Variants in TMPRSS15 observed in about 807,000 individuals in gnomAD.
TMPRSS15 encodes the protein transmembrane serine protease 15, also known as enteropeptidase.
Under a neutral mutation model 125.3 loss-of-function variants are expected in TMPRSS15, and 128 were observed. The observed-to-expected ratio is 1.02, with a 90% CI of 0.89 to 1.18. The LOEUF (loss-of-function observed/expected upper bound fraction) is 1.18, where lower values mean the gene tolerates loss of function less well. TMPRSS15 is among the 50% of genes most tolerant of loss of function. The pLI is 0.00. For synonymous variants in TMPRSS15, 446 were observed against 423.2 expected, an observed-to-expected ratio of 1.05 and a Z score of -0.66; for missense variants, 1,283 against 1,212.7, an observed-to-expected ratio of 1.06 and a Z score of -0.86.
intron 1 of TMPRSS15, among the ~76,000 whole-genome samples, chr21:18,485,214 A>G (rs1979056482): frequency 6.6e-6 from 1 of 151,932 alleles, no homozygotes; most frequent in African/African-American, 2.4e-5. Context: ...CTTGTATCCA[A>G]TAAATTGTTA....
At chr21:18,378,566 C>T (rs2027613) in intron 5 of TMPRSS15, among the ~76,000 whole-genome samples, 150,305 of 152,190 alleles carry the variant, frequency 0.99, 74,240 homozygotes, top group Middle Eastern at 1. Context: ...CCTCTATGTA[C>T]ATAATATTTG....
At chr21:18,293,007 G>A (rs879815238) in intron 21 of TMPRSS15, among the ~76,000 whole-genome samples, 1 of 152,144 alleles carries the variant, frequency 6.6e-6, no homozygotes, top group Non-Finnish European at 1.5e-5. Flanking sequence ...TAGATGGGAT[G>A]GTGCTGTCGG....
intron 18 of TMPRSS15, among the ~76,000 whole-genome samples, chr21:18,303,182 T>C (rs2074991600): frequency 6.6e-6 from 1 of 152,188 alleles, no homozygotes; most frequent in Non-Finnish European, 1.5e-5. Context: ...CGACCTTTCA[T>C]GTTTTGTAGA....
chr21:18,380,308 A>C (rs928385000), intron 4 of TMPRSS15, among the ~76,000 whole-genome samples: 4 of 152,072 alleles, frequency 2.6e-5, no homozygotes, highest in African/African-American at 9.7e-5. Context: ...AAAGTTTAAA[A>C]TATGAAAGGA....
At chr21:18,356,843 T>A (rs1050085975) in intron 8 of TMPRSS15, among the ~76,000 whole-genome samples, 2 of 151,890 alleles carry the variant, frequency 1.3e-5, no homozygotes, top group African/African-American at 2.4e-5. Flanking sequence ...ATATACACTA[T>A]GTTTATTGCA....
chr21:18,331,445 G>A (rs576939881), intron 14 of TMPRSS15, among the ~76,000 whole-genome samples: 2 of 152,288 alleles, frequency 1.3e-5, no homozygotes, highest in African/African-American at 4.8e-5. Context: ...CAATCTTTAT[G>A]TATCTTTATA....
At chr21:18,450,173 T>C (rs2076264621) in intron 1 of TMPRSS15, among the ~76,000 whole-genome samples, 1 of 152,196 alleles carries the variant, frequency 6.6e-6, no homozygotes, top group South Asian at 2.1e-4. Context: ...AAATTAGTTT[T>C]CAGGTTAGTA....
chr21:18,297,356 G>T (rs990261), intron 19 of TMPRSS15, among the ~76,000 whole-genome samples: 115,465 of 151,976 alleles, frequency 0.76, 43,960 homozygotes, highest in Non-Finnish European at 0.79. Flanking sequence ...AGCTAATTTG[G>T]TCTGCCTCCA....
chr21:18,387,606 CACACAT>C (rs1008695308), intron 3 of TMPRSS15, among the ~76,000 whole-genome samples: 3 of 102,352 alleles, frequency 2.9e-5, no homozygotes, highest in African/African-American at 6.9e-5. Context: ...TACACACACA[CACACAT>C]ACACACACAC....
At chr21:18,479,153 A>G (rs1348168554) in intron 1 of TMPRSS15, among the ~76,000 whole-genome samples, 1 of 151,968 alleles carries the variant, frequency 6.6e-6, no homozygotes, top group African/African-American at 2.4e-5. Context: ...CAATCTGTAT[A>G]TATCAGGTTT....
At chr21:18,442,215 C>T (rs1288924652) in intron 1 of TMPRSS15, among the ~76,000 whole-genome samples, 1 of 152,042 alleles carries the variant, frequency 6.6e-6, no homozygotes, top group Non-Finnish European at 1.5e-5. Flanking sequence ...TTAAAAATAT[C>T]CTGTATTTCA....
intron 24 of TMPRSS15, among the ~76,000 whole-genome samples, chr21:18,271,252 C>T (rs1267631672): frequency 6.6e-6 from 1 of 152,136 alleles, no homozygotes; most frequent in Non-Finnish European, 1.5e-5. Flanking sequence ...ATTTATGGAA[C>T]AGTTTATATT....
At chr21:18,452,815 A>T (rs1362073904) in intron 1 of TMPRSS15, among the ~76,000 whole-genome samples, 1 of 152,208 alleles carries the variant, frequency 6.6e-6, no homozygotes, top group African/African-American at 2.4e-5. Flanking sequence ...AAAACTGCAC[A>T]TATTTAATGT....
chr21:18,418,357 G>A (rs183278136), intron 1 of TMPRSS15, among the ~76,000 whole-genome samples: 11 of 152,304 alleles, frequency 7.2e-5, no homozygotes, highest in African/African-American at 2.6e-4. Flanking sequence ...CGATGGCTAA[G>A]TGGAAAGAGA....
At chr21:18,364,368 A>C (rs998556441) in intron 7 of TMPRSS15, among the ~76,000 whole-genome samples, 1 of 152,190 alleles carries the variant, frequency 6.6e-6, no homozygotes, top group East Asian at 1.9e-4. Context: ...TATTTTAACA[A>C]GAAAGTTTTC....
At position 18,278,631 on chromosome 21, in the gene TMPRSS15, A is replaced by G. The variant is rs1048811533; in HGVS notation, c.2764+333T>C. Among the ~76,000 whole-genome samples, 5 of 152,076 alleles carry G rather than the reference A, an allele frequency of 3.3e-5. No individual in the cohort carries two copies. The South Asian group carries it at 1.0e-3, about 32-fold the overall frequency. On this transcript the variant is annotated intron_variant, in intron 23 of 24. Coordinates refer to ENST00000284885, the MANE Select transcript of TMPRSS15 (RefSeq NM_002772.3). Reference sequence around the variant, plus strand: ...AGCTACTTTGGGAGGCTGAGACAGGAGAATGGCGTGAACCCGGGAGGTGGA... The same window carrying G: ...AGCTACTTTGGGAGGCTGAGACAGGGGAATGGCGTGAACCCGGGAGGTGGA...
At position 18,278,948 on chromosome 21, in the gene TMPRSS15, GAGTC is replaced by G; in HGVS notation, c.2764+12_2764+15del. 6.0e-5 allele frequency: 7 copies of G among 115,960 alleles called. No individual in the cohort carries two copies. Among genetic ancestry groups the G allele is most frequent in the East Asian group, 1.6e-4 (1 of 6,224 alleles). The allele number at this position is 115,960 out of a possible 1,614,324, so 7.2% of individuals were successfully genotyped here. A position where few individuals can be genotyped will look rare whatever the true frequency, so the allele number is the denominator to read the frequency against. Reference sequence around the variant, plus strand: ...GGTTTTTTTTTTTTTTTTTTTTTTTGAGTCTGATAATTTACCTTGATATACAACC... The same window carrying G: ...GGTTTTTTTTTTTTTTTTTTTTTTTGTGATAATTTACCTTGATATACAACC... On this transcript the variant is annotated intron_variant, in intron 23 of 24. Transcript: ENST00000284885.
At chr21:18,286,007 A>G (rs541926937) in intron 21 of TMPRSS15, among the ~76,000 whole-genome samples, 14 of 152,218 alleles carry the variant, frequency 9.2e-5, no homozygotes, top group African/African-American at 1.9e-4. Flanking sequence ...TGTAAGTGTA[A>G]GAAACAGAAG....
At chr21:18,357,017 A>G (rs2075631721) in intron 8 of TMPRSS15, among the ~76,000 whole-genome samples, 1 of 151,838 alleles carries the variant, frequency 6.6e-6, no homozygotes, top group Non-Finnish European at 1.5e-5. Context: ...CTATGCACTC[A>G]GAGACACAAT....
Sources: gnomAD v4.1 joint callset for allele counts (sites outside exome capture counted in the v4.1 genomes callset) on GRCh38, gnomAD v4.1.1 for gene constraint, MANE v1.5 for transcripts, NCBI Gene and HGNC (gene_info 2026-07-23, HGNC 2026-07-21) for gene names.